The following PARP4 variants were observed in gnomAD, a reference collection of about 807,000 sequenced individuals.
The protein encoded by PARP4 is poly(ADP-ribose) polymerase family member 4, also known as protein mono-ADP-ribosyltransferase PARP4.
Under a neutral mutation model 187.7 loss-of-function variants are expected in PARP4, and 120 were observed. The ratio of observed to expected loss-of-function variants is 0.64; its 90% CI spans 0.55 to 0.74. PARP4 has a LOEUF of 0.74. Among genes scored for constraint, PARP4 ranks in the 30% least tolerant of loss-of-function variants. The pLI is 0.00. For missense variants in PARP4, 1,836 were observed against 2,070.5 expected, an observed-to-expected ratio of 0.89 and a Z score of 2.20; for synonymous variants, 654 against 740.9, an observed-to-expected ratio of 0.88 and a Z score of 1.90.
chr13:24,499,173 A>G, intron 5 of PARP4, 128 bp downstream of exon 5: 1 of 915,846 alleles, frequency 1.1e-6, no homozygotes, highest in Non-Finnish European at 1.5e-6. Flanking sequence ...TTTAAGGACT[A>G]TATGATATTC....
At chr13:24,485,038 C>T (rs1173174829) in intron 11 of PARP4, among the ~76,000 whole-genome samples, 1 of 152,156 alleles carries the variant, frequency 6.6e-6, no homozygotes, top group Non-Finnish European at 1.5e-5. Flanking sequence ...TAAGAAGATT[C>T]TCCCATTTTT....
intron 30 of PARP4, among the ~76,000 whole-genome samples, chr13:24,438,712 A>AGG (rs1870757785): frequency 7.9e-5 from 12 of 152,138 alleles, no homozygotes; most frequent in African/African-American, 2.7e-4. Flanking sequence ...GTCCTTCCTG[A>AGG]GCACGTCCCA....
At chr13:24,497,918 C>A (rs1869043448) in intron 6 of PARP4, among the ~76,000 whole-genome samples, 198 bp downstream of exon 6, 1 of 152,182 alleles carries the variant, frequency 6.6e-6, no homozygotes, top group Non-Finnish European at 1.5e-5. Context: ...CCCTGCTGTA[C>A]TTTGACCTTG....
rs1258976414 is a variant in PARP4 at position 24,434,748 on chromosome 13, G to A, written c.4393C>T (p.Gln1465Ter). Residue 1465 changes from glutamine (Q) to a stop codon, truncating the protein, a stop_gained, in exon 31 of 34, where the codon CAA becomes TAA. Coordinates refer to ENST00000381989, the MANE Select transcript of PARP4 (RefSeq NM_006437.4). LOFTEE classifies it high-confidence loss of function. The part of the protein sequence containing the change: ...HPSASSPFHF[Q>*]PSAASLTANL... ...GCAGTCAAAGAGGCTGCGGAAGGTT[G>A]AAAATGAAAAGGAGAGGAAGCAGAG... The A allele has an allele frequency of 6.2e-7, 1 of 1,613,600 alleles. No individual in the cohort carries two copies. Among genetic ancestry groups the A allele is most frequent in the Non-Finnish European group, 8.5e-7 (1 of 1,179,808 alleles).
At chr13:24,496,877 G>C (rs953124908) in intron 6 of PARP4, among the ~76,000 whole-genome samples, 1 of 152,134 alleles carries the variant, frequency 6.6e-6, no homozygotes, top group Non-Finnish European at 1.5e-5. Context: ...ACAAAAATTA[G>C]CCAGGCGTGG....
At chr13:24,505,242 G>A (rs1016807714) in intron 1 of PARP4, among the ~76,000 whole-genome samples, 1 of 152,142 alleles carries the variant, frequency 6.6e-6, no homozygotes, top group African/African-American at 2.4e-5. Context: ...AAAACCTACA[G>A]AAGTAGGGGA....
chr13:24,493,970 C>G (rs1868805704), intron 7 of PARP4, among the ~76,000 whole-genome samples: 1 of 152,070 alleles, frequency 6.6e-6, no homozygotes, highest in Non-Finnish European at 1.5e-5. Context: ...TTTTCCTTCA[C>G]CCTGTAAGCT....
chr13:24,492,652 C>T, intron 8 of PARP4, 58 bp from the exon 9 acceptor site: 1 of 1,371,752 alleles, frequency 7.3e-7, no homozygotes, highest in Non-Finnish European at 1.0e-6. Flanking sequence ...AATTAAGGAG[C>T]ATGCACAAAA....
At chr13:24,502,536 G>A (rs1309172409) in intron 2 of PARP4, among the ~76,000 whole-genome samples, 3 of 152,196 alleles carry the variant, frequency 2.0e-5, no homozygotes, top group South Asian at 2.1e-4. Context: ...AGCCTCTTCC[G>A]TGCTGGCTTT....
intron 1 of PARP4, among the ~76,000 whole-genome samples, chr13:24,506,470 G>C (rs1347720350): frequency 6.6e-6 from 1 of 152,138 alleles, no homozygotes; most frequent in Non-Finnish European, 1.5e-5. Flanking sequence ...CCCACATCCT[G>C]CTGATTGGTT....
At chr13:24,431,875 G>A (rs576004238) in intron 31 of PARP4, among the ~76,000 whole-genome samples, 5 of 152,312 alleles carry the variant, frequency 3.3e-5, no homozygotes, top group Admixed American at 1.3e-4. Context: ...TGTGGAAAGA[G>A]GCTCATGGGT....
intron 20 of PARP4, among the ~76,000 whole-genome samples, 187 bp from the exon 21 acceptor site, chr13:24,456,665 A>T (rs1454104612): frequency 6.6e-6 from 1 of 152,180 alleles, no homozygotes; most frequent in South Asian, 2.1e-4. Context: ...CTGTAATCTC[A>T]GCACTTTGAG....
intron 25 of PARP4, among the ~76,000 whole-genome samples, chr13:24,448,390 C>T (rs189021914): frequency 2.1e-4 from 32 of 151,428 alleles, no homozygotes; most frequent in African/African-American, 6.1e-4. Context: ...CCTAGATGAC[C>T]GAGCAACACT....
In PARP4 at chr13:24,435,446, T is replaced by C. The variant is rs1242716892; in HGVS notation, c.3695A>G (p.Glu1232Gly). Residue 1232 changes from glutamate to glycine, a missense_variant, in exon 31 of 34, where the codon GAA becomes GGA. Physicochemically the swap from Glu to Gly is moderately conservative, Grantham distance 98. This residue lies in a region of PARP4 where 450 missense variants were observed against 439.2 expected (regional missense o/e 1.02). Transcript: ENST00000381989. ...QSLLASSEWP[E>G]LRLSKRKHRK... ...ATGTTTTCGTTTGGATAAACGTAAT[T>C]CTGGCCACTCAGAGGATGCTAAAAG... The C allele has an allele frequency of 6.2e-7, 1 of 1,605,746 alleles. No individual in the cohort carries two copies. Among genetic ancestry groups the C allele is most frequent in the Non-Finnish European group, 8.5e-7 (1 of 1,177,848 alleles).
At chr13:24,425,741 C>T (rs1362728464) in intron 33 of PARP4, among the ~76,000 whole-genome samples, 1 of 152,084 alleles carries the variant, frequency 6.6e-6, no homozygotes, top group East Asian at 1.9e-4. Context: ...CATCCCTGAC[C>T]ACATGGCCCT....
At chr13:24,448,415 A>G (rs1206315975) in intron 25 of PARP4, among the ~76,000 whole-genome samples, 1 of 151,262 alleles carries the variant, frequency 6.6e-6, no homozygotes, top group Non-Finnish European at 1.5e-5. Flanking sequence ...CTCAAAAACC[A>G]AAACAAACCA....
chr13:24,459,438 AAC>A (rs1872070924), intron 18 of PARP4, 128 bp from the exon 19 acceptor site: 7 of 874,700 alleles, frequency 8.0e-6, no homozygotes, highest in South Asian at 7.7e-5. Flanking sequence ...CAAGCAGTGA[AAC>A]ACAGAAAGTT....
chr13:24,504,511 C>T (rs1869502464), intron 1 of PARP4, among the ~76,000 whole-genome samples: 1 of 151,822 alleles, frequency 6.6e-6, no homozygotes, highest in South Asian at 2.1e-4. Context: ...ACAAAGGTTT[C>T]ACCATGTTGA....
chr13:24,486,591 T>A (rs944970497), intron 10 of PARP4, among the ~76,000 whole-genome samples: 3 of 152,244 alleles, frequency 2.0e-5, no homozygotes, highest in Non-Finnish European at 4.4e-5. Flanking sequence ...AACAATAGTA[T>A]ATGGAATATA....
Sources: allele counts gnomAD v4.1 joint callset (sites outside exome capture counted in the v4.1 genomes callset), GRCh38; gene constraint gnomAD v4.1.1; regional missense constraint gnomAD v4.1.1; transcripts MANE v1.5; gene names NCBI Gene and HGNC (gene_info 2026-07-23, HGNC 2026-07-21).